The following CTBP2 variants were observed in gnomAD, a reference collection of about 807,000 sequenced individuals.
The protein encoded by CTBP2 is C-terminal-binding protein 2.
A neutral mutation model predicts 80.3 loss-of-function variants in CTBP2; 30 were observed. The ratio of observed to expected loss-of-function variants is 0.37; its 90% CI spans 0.28 to 0.51. CTBP2 has a LOEUF of 0.51. Among genes scored for constraint, CTBP2 ranks in the 20% least tolerant of loss-of-function variants. CTBP2 has a pLI of 0.93. For synonymous variants in CTBP2, 594 were observed against 587.4 expected, an observed-to-expected ratio of 1.01 and a Z score of -0.16; for missense variants, 1,212 against 1,375.3, an observed-to-expected ratio of 0.88 and a Z score of 1.88.
At chr10:125,087,603 C>T (rs1188517749) in intron 2 of CTBP2, among the ~76,000 whole-genome samples, 1 of 152,176 alleles carries the variant, frequency 6.6e-6, no homozygotes, top group African/African-American at 2.4e-5. Flanking sequence ...GTCTCTCATC[C>T]CCCCACTTAG....
chr10:125,049,872 C>T (rs910968448), intron 2 of CTBP2, among the ~76,000 whole-genome samples: 1 of 152,172 alleles, frequency 6.6e-6, no homozygotes, highest in Non-Finnish European at 1.5e-5. Flanking sequence ...TCTTGAGCCA[C>T]CCCGCTCCAA....
intron 2 of CTBP2, among the ~76,000 whole-genome samples, chr10:125,095,843 T>G (rs1404133053): frequency 6.6e-6 from 1 of 152,186 alleles, no homozygotes; most frequent in Non-Finnish European, 1.5e-5. Flanking sequence ...GACTCCAGGT[T>G]TAGGCTAAAG....
chr10:125,088,492 T>C (rs1230715687), intron 2 of CTBP2, among the ~76,000 whole-genome samples: 1 of 152,174 alleles, frequency 6.6e-6, no homozygotes, highest in Non-Finnish European at 1.5e-5. Context: ...AACTGAGGGT[T>C]TTCTTTGATG....
At chr10:125,157,725 A>G (rs1470452534) in intron 1 of CTBP2, among the ~76,000 whole-genome samples, 1 of 152,204 alleles carries the variant, frequency 6.6e-6, no homozygotes, top group Non-Finnish European at 1.5e-5. Flanking sequence ...CTCATGTTAT[A>G]CTTGATCAAG....
Position 125,114,389 on chromosome 10 carries a change from AAGAGAACCGCAGCACCCAG to A in CTBP2, c.-205-3315_-205-3297del, listed in dbSNP as rs559291536. 1.5e-3 allele frequency among the ~76,000 whole-genome samples: 226 copies of A among 152,172 alleles called. 4 individuals carry two copies. The East Asian group carries it at 0.041, about 27-fold the overall frequency. ...GGGTGTGTACTCTCACACATCCCAG[AAGAGAACCGCAGCACCCAG>A]AGATGGATTTGGGGGTGGGAGTCCC... On this transcript the variant is annotated intron_variant, in intron 1 of 10. Coordinates refer to the CTBP2 transcript ENST00000337195.
chr10:124,994,784 C>A, intron 4 of CTBP2, 101 bp from the exon 7 acceptor site: 1 of 1,139,084 alleles, frequency 8.8e-7, no homozygotes. Flanking sequence ...GGCATCCCCG[C>A]TGGTAGCTGC....
chr10:125,067,063 C>A (rs188115334), intron 2 of CTBP2, among the ~76,000 whole-genome samples: 1 of 152,204 alleles, frequency 6.6e-6, no homozygotes, highest in Admixed American at 6.5e-5. Context: ...CTATGTGGGG[C>A]GATTCATTAT....
At chr10:125,143,653 G>A (rs1858237035) in intron 1 of CTBP2, among the ~76,000 whole-genome samples, 1 of 148,516 alleles carries the variant, frequency 6.7e-6, no homozygotes, top group South Asian at 2.1e-4. Context: ...ATCGGGAAGT[G>A]TACAAAACAT....
chr10:125,039,243 A>G (rs1447891974), intron 2 of CTBP2, 88 bp from the exon 3 acceptor site: 9 of 528,096 alleles, frequency 1.7e-5, no homozygotes, highest in Non-Finnish European at 2.3e-5. Flanking sequence ...GCTACTTTCT[A>G]TAAGGGAACC....
At chr10:125,073,534 C>T (rs1845836504) in intron 2 of CTBP2, among the ~76,000 whole-genome samples, 1 of 152,246 alleles carries the variant, frequency 6.6e-6, no homozygotes, top group Non-Finnish European at 1.5e-5. Flanking sequence ...AGCCATCATG[C>T]ATGGCTGGTT....
At chr10:125,065,053 G>T (rs1481884689) in intron 2 of CTBP2, among the ~76,000 whole-genome samples, 1 of 152,218 alleles carries the variant, frequency 6.6e-6, no homozygotes, top group Non-Finnish European at 1.5e-5. Context: ...GCCCAGCAAA[G>T]AAACTCTCAC....
intron 1 of CTBP2, among the ~76,000 whole-genome samples, chr10:125,139,374 CAAAAAA>C (rs33963277): frequency 2.1e-5 from 2 of 96,218 alleles, no homozygotes; most frequent in Admixed American, 1.1e-4. Context: ...TAGACTGTCT[CAAAAAA>C]AAAAAAAAAA....
intron 2 of CTBP2, among the ~76,000 whole-genome samples, chr10:125,060,323 TG>T (rs1420321799): frequency 6.6e-6 from 1 of 152,252 alleles, no homozygotes; most frequent in Admixed American, 6.5e-5. Flanking sequence ...GCATACTATT[TG>T]CCACCTTGTC....
intron 2 of CTBP2, among the ~76,000 whole-genome samples, chr10:125,101,970 A>C (rs1850694957): frequency 6.6e-6 from 1 of 152,208 alleles, no homozygotes; most frequent in Non-Finnish European, 1.5e-5. Flanking sequence ...GTACCCACCA[A>C]GCCACCTCTC....
chr10:124,998,302 C>T (rs1256921329), intron 3 of CTBP2, 132 bp from the exon 6 acceptor site: 23 of 1,052,168 alleles, frequency 2.2e-5, no homozygotes, highest in Admixed American at 1.4e-4. Context: ...GTCTAGCAGA[C>T]GCGGGGCTGG....
chr10:125,114,762 T>C (rs932510124), intron 1 of CTBP2, among the ~76,000 whole-genome samples: 3 of 152,088 alleles, frequency 2.0e-5, no homozygotes, highest in South Asian at 4.1e-4. Context: ...GAACAGCTTC[T>C]GTACTCTGCA....
intron 2 of CTBP2, among the ~76,000 whole-genome samples, chr10:125,104,174 C>A (rs115400562): frequency 6.6e-6 from 1 of 152,142 alleles, no homozygotes; most frequent in Non-Finnish European, 1.5e-5. Context: ...TGGATGCTCA[C>A]GGGGACATTC....
chr10:125,001,738 G>A (rs550132746), intron 3 of CTBP2, among the ~76,000 whole-genome samples: 1 of 152,246 alleles, frequency 6.6e-6, no homozygotes, highest in Admixed American at 6.5e-5. Context: ...CTCCCTGCTC[G>A]CCCGGCTCCC....
rs1348841236 is a variant in CTBP2, at chr10:124,986,289, G to GCA, written c.*3228_*3229insTG. 21 of 108,434 alleles carry GCA rather than the reference G, an allele frequency of 1.9e-4. No individual in the cohort carries two copies. Among genetic ancestry groups the GCA allele is most frequent in the African/African-American group, 7.6e-4 (21 of 27,622 alleles). The allele number at this position is 108,434 out of a possible 1,614,324, so 6.7% of individuals were successfully genotyped here. ...AAAGACGACACACGCACGCGCGCGC[G>GCA]CGCACACACACACACACACACACAC... On this transcript the variant is annotated 3_prime_UTR_variant, in exon 9 of 9. Coordinates refer to ENST00000309035, the MANE Select transcript of CTBP2 (RefSeq NM_022802.3).
Sources: allele counts gnomAD v4.1 joint callset (sites outside exome capture counted in the v4.1 genomes callset), GRCh38; gene constraint gnomAD v4.1.1; transcripts MANE v1.5; gene names NCBI Gene and HGNC (gene_info 2026-07-23, HGNC 2026-07-21).